The following SLIT2 variants were observed in gnomAD, a reference collection of about 807,000 sequenced individuals.
SLIT2 encodes the protein slit homolog 2 protein.
In SLIT2, 41 loss-of-function variants were observed where a neutral mutation model predicts 185.7. That is an observed-to-expected ratio of 0.22 (90% CI 0.17 to 0.29). The LOEUF (loss-of-function observed/expected upper bound fraction) is 0.29, where lower values mean the gene tolerates loss of function less well. Among genes scored for constraint, SLIT2 ranks in the 10% least tolerant of loss-of-function variants. SLIT2 has a pLI of 1.00. For missense variants in SLIT2, 1,571 were observed against 1,909.0 expected (o/e 0.82, Z 3.30); for synonymous variants, 693 against 680.2 (o/e 1.02, Z -0.29).
rs574336026 is a variant in SLIT2, at chr4:20,586,205, T to C, written c.3089-3439T>C. ...AAGGAAAATTAAAGAAACAGTCCAA[T>C]GAAAACATTCATGTTAATATTTAGT... On this transcript the variant is annotated intron_variant, in intron 29 of 36. Coordinates refer to ENST00000504154, the MANE Select transcript of SLIT2 (RefSeq NM_004787.4). 1.3e-4 allele frequency among the ~76,000 whole-genome samples: 20 copies of C among 152,288 alleles called. No individual in the cohort carries two copies. The South Asian group carries it at 4.1e-3, about 32-fold the overall frequency.
intron 4 of SLIT2, among the ~76,000 whole-genome samples, chr4:20,319,995 C>T (rs1430582551): frequency 1.3e-5 from 2 of 152,098 alleles, no homozygotes; most frequent in African/African-American, 2.4e-5. Flanking sequence ...TCCTGATCCT[C>T]ATCAGTGATC....
intron 4 of SLIT2, among the ~76,000 whole-genome samples, chr4:20,396,074 C>T (rs906132429): frequency 2.0e-5 from 3 of 151,760 alleles, no homozygotes; most frequent in Non-Finnish European, 4.4e-5. Flanking sequence ...CAGGTACATA[C>T]CTTGGAAATG....
intron 5 of SLIT2, among the ~76,000 whole-genome samples, chr4:20,472,335 G>GAT (rs1715281552): frequency 7.3e-5 from 1 of 13,780 alleles, no homozygotes; most frequent in Admixed American, 1.1e-3. Flanking sequence ...TCTATATATA[G>GAT]ATCTATATAT....
Position 20,548,685 on chromosome 4 carries a change from C to A in SLIT2, c.2417+126C>A, listed in dbSNP as rs142522158. The A allele has an allele frequency of 2.4e-3, 1,568 of 653,802 alleles. 23 individuals carry two copies. The African/African-American group carries it at 0.025, about 11-fold the overall frequency. 40.5% of individuals were successfully genotyped at this position (653,802 alleles called of 1,614,324 possible). ...CAAGGAATGTTTCTATTGGGAGAAA[C>A]AGACAAAACCACGATACGTGAACAA... On this transcript the variant is annotated intron_variant, in intron 23 of 36. Coordinates refer to ENST00000504154, the MANE Select transcript of SLIT2 (RefSeq NM_004787.4).
chr4:20,469,520 T>C (rs1387965466), intron 5 of SLIT2, among the ~76,000 whole-genome samples: 1 of 152,186 alleles, frequency 6.6e-6, no homozygotes, highest in Non-Finnish European at 1.5e-5. Context: ...GTCAGTGTTC[T>C]ATCTAATGGG....
chr4:20,392,448 TACTGTAC>T (rs1386497821), intron 4 of SLIT2, among the ~76,000 whole-genome samples: 1 of 152,082 alleles, frequency 6.6e-6, no homozygotes, highest in Admixed American at 6.6e-5. Flanking sequence ...CCTAGGACAT[TACTGTAC>T]ACTGCTGTAG....
intron 4 of SLIT2, among the ~76,000 whole-genome samples, chr4:20,348,819 C>G (rs1279724389): frequency 6.6e-6 from 1 of 152,178 alleles, no homozygotes; most frequent in Non-Finnish European, 1.5e-5. Flanking sequence ...AGTTCATCCT[C>G]CCAGATTCAA....
Position 20,253,645 on chromosome 4 carries a change from TGC to T in SLIT2, c.-170_-169del. 9.9e-6 allele frequency: 7 copies of T among 707,238 alleles called. No individual in the cohort carries two copies. Among genetic ancestry groups the T allele is most frequent in the East Asian group, 2.7e-5 (1 of 36,580 alleles). The allele number at this position is 707,238 out of a possible 1,614,324, so 43.8% of individuals were successfully genotyped here. On this transcript the variant is annotated 5_prime_UTR_variant, in exon 1 of 37. Transcript: ENST00000504154. ...GGTGGAGAGGGCGGTGGGAGGCGTG[TGC>T]CTGAGTGGGCTCTACTGCCTTGTTC...
intron 29 of SLIT2, among the ~76,000 whole-genome samples, chr4:20,586,982 T>C (rs1727115699): frequency 6.6e-6 from 1 of 152,130 alleles, no homozygotes; most frequent in African/African-American, 2.4e-5. Flanking sequence ...AATGTTTTTG[T>C]AATATTTGTT....
chr4:20,450,484 T>C (rs950775490), intron 4 of SLIT2, among the ~76,000 whole-genome samples: 1 of 152,186 alleles, frequency 6.6e-6, no homozygotes, highest in African/African-American at 2.4e-5. Flanking sequence ...ATGATTACCA[T>C]TGAAGTAGAA....
chr4:20,280,893 C>T (rs1225189986), intron 4 of SLIT2, among the ~76,000 whole-genome samples: 1 of 144,696 alleles, frequency 6.9e-6, no homozygotes, highest in African/African-American at 2.6e-5. Context: ...AGTGCAATGG[C>T]GTGATCTCAG....
At chr4:20,597,902 A>T (rs892931665) in intron 32 of SLIT2, among the ~76,000 whole-genome samples, 1 of 152,196 alleles carries the variant, frequency 6.6e-6, no homozygotes, top group Non-Finnish European at 1.5e-5. Context: ...TTTAAATATG[A>T]GATATAAAAA....
At chr4:20,511,485 C>G (rs1719711915) in intron 11 of SLIT2, among the ~76,000 whole-genome samples, 1 of 145,894 alleles carries the variant, frequency 6.9e-6, no homozygotes, top group Non-Finnish European at 1.5e-5. Flanking sequence ...GCAGTGGCGC[C>G]ATCTCGGCTC....
At chr4:20,356,125 G>T (rs1197642215) in intron 4 of SLIT2, among the ~76,000 whole-genome samples, 1 of 152,120 alleles carries the variant, frequency 6.6e-6, no homozygotes, top group Non-Finnish European at 1.5e-5. Flanking sequence ...ATGCCATTCA[G>T]TAACTTGAAG....
chr4:20,590,122 G>A (rs1219365403), intron 30 of SLIT2, among the ~76,000 whole-genome samples: 3 of 151,994 alleles, frequency 2.0e-5, no homozygotes, highest in Non-Finnish European at 4.4e-5. Flanking sequence ...AGCCAGGATG[G>A]TCTCGATCTC....
At chr4:20,477,678 T>C (rs1249696739) in intron 5 of SLIT2, among the ~76,000 whole-genome samples, 5 of 152,180 alleles carry the variant, frequency 3.3e-5, no homozygotes, top group Non-Finnish European at 7.3e-5. Context: ...ATGTGCTAAG[T>C]TAGGTCAGCT....
At chr4:20,424,055 G>A (rs923763541) in intron 4 of SLIT2, among the ~76,000 whole-genome samples, 1 of 152,098 alleles carries the variant, frequency 6.6e-6, no homozygotes, top group South Asian at 2.1e-4. Flanking sequence ...TAAATTAAAT[G>A]TGTAAATGAA....
intron 9 of SLIT2, among the ~76,000 whole-genome samples, chr4:20,509,256 A>G (rs1719488701): frequency 1.3e-5 from 2 of 151,806 alleles, no homozygotes; most frequent in Non-Finnish European, 1.5e-5. Flanking sequence ...TTGAAAGTGA[A>G]CTCTATTTTT....
At chr4:20,432,743 A>G (rs1351143027) in intron 4 of SLIT2, among the ~76,000 whole-genome samples, 1 of 115,974 alleles carries the variant, frequency 8.6e-6, no homozygotes, top group Non-Finnish European at 1.9e-5. Flanking sequence ...AAATTATACA[A>G]TTAGGAGAAC....
Sources: allele counts gnomAD v4.1 joint callset (sites outside exome capture counted in the v4.1 genomes callset), GRCh38; gene constraint gnomAD v4.1.1; transcripts MANE v1.5; gene names NCBI Gene and HGNC (gene_info 2026-07-23, HGNC 2026-07-21).